The following SYT1 variants were observed in gnomAD, a reference collection of about 807,000 sequenced individuals.
SYT1 encodes synaptotagmin-1.
Under a neutral mutation model 44.8 loss-of-function variants are expected in SYT1, and 8 were observed. That is an observed-to-expected ratio of 0.18 (90% CI 0.10 to 0.32). The LOEUF is 0.32. SYT1 is among the 10% of genes least tolerant of loss of function. The probability of loss-of-function intolerance (pLI) is 1.00; values close to 1 mark genes in which losing one functional copy is unlikely to be tolerated. For synonymous variants in SYT1, 154 were observed against 188.8 expected, an observed-to-expected ratio of 0.82 and a Z score of 1.51; for missense variants, 286 against 509.3, an observed-to-expected ratio of 0.56 and a Z score of 4.22.
At chr12:79,393,604 T>A (rs572591582) in intron 9 of SYT1, 1 of 152,356 alleles carries the variant, frequency 6.6e-6, no homozygotes, top group African/African-American at 2.4e-5. Context: ...AAATGTCTTA[T>A]TTTGAGAAGC....
intron 1 of SYT1, among the ~76,000 whole-genome samples, chr12:78,898,152 A>G (rs1252768974): frequency 5.3e-5 from 8 of 149,804 alleles, no homozygotes; most frequent in Non-Finnish European, 1.2e-4. Context: ...TGTTGAGCAA[A>G]TTACTTAAAC....
rs1877204858 is a variant in SYT1, at chr12:79,251,461, C to T, written c.166+33776C>T. Among the ~76,000 whole-genome samples the T allele has an allele frequency of 3.3e-5, 5 of 152,108 alleles. No homozygotes were observed. The South Asian group carries it at 1.0e-3, about 32-fold the overall frequency. The stretch of plus-strand genomic sequence containing the variant: ...TGGAAATTTGAGTCAAAATAAGCCT[C>T]CTTAGTCATCAAATCTAGATACTCC... On this transcript the variant is annotated intron_variant, in intron 4 of 10. Transcript: ENST00000261205.
intron 1 of SYT1, among the ~76,000 whole-genome samples, chr12:78,923,468 G>A (rs1168082832): frequency 6.6e-6 from 1 of 151,916 alleles, no homozygotes; most frequent in Non-Finnish European, 1.5e-5. Context: ...TTTACATCTT[G>A]GCTGTGGAGC....
At chr12:79,028,312 T>C (rs778713905) in intron 2 of SYT1, among the ~76,000 whole-genome samples, 51 of 151,506 alleles carry the variant, frequency 3.4e-4, no homozygotes, top group Non-Finnish European at 6.5e-4. Flanking sequence ...CTTATGTTAC[T>C]GTTCTTCTAA....
In SYT1 at chr12:79,358,532, A is replaced by G. The variant is rs1331914393; in HGVS notation, c.928+4913A>G. 3.9e-5 allele frequency among the ~76,000 whole-genome samples: 6 copies of G among 152,182 alleles called. No individual in the cohort carries two copies. The South Asian group carries it at 8.3e-4, about 21-fold the overall frequency. Reference sequence around the variant, plus strand: ...AGACATTAGACAATGTCCATAAACTATCTTCCTGCATGTGGCACATAGATG... The same window carrying G: ...AGACATTAGACAATGTCCATAAACTGTCTTCCTGCATGTGGCACATAGATG... On this transcript the variant is annotated intron_variant, in intron 9 of 10. Transcript: ENST00000261205.
intron 9 of SYT1, among the ~76,000 whole-genome samples, chr12:79,401,380 C>T (rs77657860): frequency 0.028 from 4,307 of 151,292 alleles, 211 homozygotes; most frequent in African/African-American, 0.099. Flanking sequence ...GGAGACAAAG[C>T]GAGACCCGGT....
rs1436326085 is a variant in SYT1 at position 79,280,478 on chromosome 12, C to G, written c.167-5309C>G. Among the ~76,000 whole-genome samples the G allele has an allele frequency of 2.1e-5, 3 of 139,810 alleles. No homozygotes were observed. The East Asian group carries it at 7.3e-4, about 34-fold the overall frequency. The allele number at this position is 139,810 out of a possible 152,430, so 91.7% of individuals were successfully genotyped here. On this transcript the variant is annotated intron_variant, in intron 4 of 10. Transcript: ENST00000261205. The stretch of plus-strand genomic sequence containing the variant: ...GAAGAATGAAACTGGATCCCTATCT[C>G]TGACCATATACAAAAAAAATTAACA...
intron 1 of SYT1, among the ~76,000 whole-genome samples, chr12:78,957,626 A>G (rs1029673271): frequency 6.6e-6 from 1 of 152,144 alleles, no homozygotes; most frequent in Non-Finnish European, 1.5e-5. Flanking sequence ...TTTTAAAGGA[A>G]AAGCTTATAT....
chr12:78,913,645 G>A (rs1592552928), intron 1 of SYT1, among the ~76,000 whole-genome samples: 1 of 151,746 alleles, frequency 6.6e-6, no homozygotes, highest in South Asian at 2.1e-4. Flanking sequence ...AGTATGAGTT[G>A]TTTGTTTATG....
rs1257854666 is a variant in SYT1, at chr12:79,095,503, T to C, written c.-18+48141T>C. On this transcript the variant is annotated intron_variant, in intron 3 of 10. Coordinates refer to ENST00000261205, the MANE Select transcript of SYT1 (RefSeq NM_005639.3). ...TAGTTAAGATGAGAGTTTTTCTACA[T>C]ATAACCAATTTATTTATTACAAAAG... 6.6e-5 allele frequency among the ~76,000 whole-genome samples: 10 copies of C among 151,998 alleles called. 1 individual carries two copies. In the South Asian group the frequency reaches 1.9e-3, roughly 28 times the overall value.
At chr12:79,198,652 T>C (rs1873601112) in intron 3 of SYT1, among the ~76,000 whole-genome samples, 1 of 152,208 alleles carries the variant, frequency 6.6e-6, no homozygotes, top group Non-Finnish European at 1.5e-5. Context: ...TACTTTTATA[T>C]GAGCTTTTTG....
chr12:79,128,355 C>G (rs1376571124), intron 3 of SYT1, among the ~76,000 whole-genome samples: 1 of 152,082 alleles, frequency 6.6e-6, no homozygotes, highest in Non-Finnish European at 1.5e-5. Flanking sequence ...GCACTCCAGC[C>G]TGGGTGACAG....
chr12:79,349,873 T>C (rs892222065), intron 8 of SYT1, among the ~76,000 whole-genome samples: 4 of 152,218 alleles, frequency 2.6e-5, no homozygotes, highest in African/African-American at 7.2e-5. Context: ...TAGAGTTTGA[T>C]GTAAAACTGT....
At chr12:79,109,961 G>C (rs1878924019) in intron 3 of SYT1, among the ~76,000 whole-genome samples, 2 of 152,148 alleles carry the variant, frequency 1.3e-5, no homozygotes, top group African/African-American at 4.8e-5. Context: ...TGAGATATGA[G>C]AGAAAATAAA....
intron 9 of SYT1, among the ~76,000 whole-genome samples, chr12:79,422,706 A>C (rs1206583299): frequency 6.6e-6 from 1 of 151,802 alleles, no homozygotes; most frequent in Non-Finnish European, 1.5e-5. Context: ...GGGATTTGTT[A>C]GATACTTTGA....
At chr12:78,983,001 G>A (rs1869380904) in intron 2 of SYT1, among the ~76,000 whole-genome samples, 1 of 151,846 alleles carries the variant, frequency 6.6e-6, no homozygotes, top group South Asian at 2.1e-4. Flanking sequence ...TATTAACAAG[G>A]AACAAATATA....
chr12:78,998,017 A>C (rs1017384016), intron 2 of SYT1, among the ~76,000 whole-genome samples: 2 of 152,162 alleles, frequency 1.3e-5, no homozygotes, highest in African/African-American at 4.8e-5. Flanking sequence ...ATTGGCTCCT[A>C]TCAGATCTTT....
At chr12:79,212,274 C>T (rs1874504691) in intron 3 of SYT1, among the ~76,000 whole-genome samples, 1 of 152,120 alleles carries the variant, frequency 6.6e-6, no homozygotes, top group African/African-American at 2.4e-5. Context: ...GAAAACCAAA[C>T]ACCGCATGTT....
intron 9 of SYT1, among the ~76,000 whole-genome samples, chr12:79,409,341 CAG>C (rs1868338063): frequency 6.6e-6 from 1 of 152,092 alleles, no homozygotes; most frequent in South Asian, 2.1e-4. Context: ...CACACACTCA[CAG>C]ACTTTTTTCA....
Sources: gnomAD v4.1 joint callset for allele counts (sites outside exome capture counted in the v4.1 genomes callset) on GRCh38, gnomAD v4.1.1 for gene constraint, MANE v1.5 for transcripts, NCBI Gene and HGNC (gene_info 2026-07-23, HGNC 2026-07-21) for gene names.